Variants in TG observed in about 807,000 individuals in gnomAD.
TG encodes thyroglobulin, also known as thyroid hormones.
In TG, 270 loss-of-function variants were observed where a neutral mutation model predicts 324.7. The ratio of observed to expected loss-of-function variants is 0.83; its 90% CI spans 0.75 to 0.92. The LOEUF (loss-of-function observed/expected upper bound fraction) is 0.92. Ranked by LOEUF, TG falls within the 40% of genes least tolerant of loss-of-function variation. The probability of loss-of-function intolerance (pLI) is 0.00; values close to 1 mark genes in which losing one functional copy is unlikely to be tolerated. For missense variants in TG, 3,591 were observed against 3,456.4 expected, an observed-to-expected ratio of 1.04 and a Z score of -0.98; for synonymous variants, 1,401 against 1,327.0, an observed-to-expected ratio of 1.06 and a Z score of -1.21.
chr8:132,867,736 G>A (rs1015883020), intron 1 of TG, among the ~76,000 whole-genome samples: 2 of 150,296 alleles, frequency 1.3e-5, no homozygotes, highest in African/African-American at 4.9e-5. Flanking sequence ...ACTTCCTTAC[G>A]GTTCTCTAAC....
At chr8:132,994,833 C>T in intron 35 of TG, 1 of 1,278,462 alleles carries the variant, frequency 7.8e-7, no homozygotes, top group Non-Finnish European at 1.0e-6. Context: ...AGAGAAGGGG[C>T]TGGGTCAGAT....
chr8:133,121,110 C>T (rs1282788804), intron 45 of TG, among the ~76,000 whole-genome samples: 1 of 152,164 alleles, frequency 6.6e-6, no homozygotes, highest in African/African-American at 2.4e-5. Context: ...CTCTCTGCAC[C>T]TCAGAGCCCA....
intron 43 of TG, among the ~76,000 whole-genome samples, chr8:133,099,628 C>G (rs927624065): frequency 6.6e-6 from 1 of 152,204 alleles, no homozygotes; most frequent in Non-Finnish European, 1.5e-5. Flanking sequence ...CACCTCTGCT[C>G]CCATCCCCAA....
intron 41 of TG, among the ~76,000 whole-genome samples, chr8:133,090,827 T>C (rs1021566437): frequency 2.6e-5 from 4 of 152,172 alleles, no homozygotes; most frequent in African/African-American, 4.8e-5. Context: ...CCAGTCTATC[T>C]GGAACAAGAG....
At chr8:133,031,399 A>T (rs990661891) in intron 41 of TG, among the ~76,000 whole-genome samples, 1 of 152,144 alleles carries the variant, frequency 6.6e-6, no homozygotes, top group Non-Finnish European at 1.5e-5. Context: ...CCTTTTGCCT[A>T]TTGTGAACAG....
At chr8:132,923,314 G>A (rs1418271493) in intron 21 of TG, 24 bp from the exon 22 acceptor site, 1 of 1,613,496 alleles carries the variant, frequency 6.2e-7, no homozygotes, top group Middle Eastern at 1.7e-4. Context: ...ATTATTGACG[G>A]CTATGTCAAT....
intron 44 of TG, 87 bp from the exon 45 acceptor site, chr8:133,116,522 G>A (rs977302430): frequency 1.6e-6 from 2 of 1,276,008 alleles, no homozygotes; most frequent in Admixed American, 1.7e-5. Flanking sequence ...GGCCCAGGGG[G>A]CCCCTTGCTG....
At position 132,869,710 on chromosome 8, in the gene TG, G is replaced by T; in HGVS notation, c.177-19G>T. Reference sequence around the variant, plus strand: ...TGGGGGCCCATCCCAGGGTCACCTGGTCTGTGTCTCCTCCTCAGGACTGTC... The same window carrying T: ...TGGGGGCCCATCCCAGGGTCACCTGTTCTGTGTCTCCTCCTCAGGACTGTC... On this transcript the variant is annotated intron_variant, in intron 2 of 47. Transcript: ENST00000220616. 1 of 1,612,856 alleles carries T rather than the reference G, an allele frequency of 6.2e-7. No individual in the cohort carries two copies. Among genetic ancestry groups the T allele is most frequent in the East Asian group, 2.2e-5 (1 of 44,870 alleles).
chr8:132,878,341 G>C (rs1347524260), intron 5 of TG, among the ~76,000 whole-genome samples: 1 of 151,998 alleles, frequency 6.6e-6, no homozygotes, highest in African/African-American at 2.4e-5. Flanking sequence ...TTCAGGTCCA[G>C]CGCGCTGGCT....
At chr8:133,080,920 G>T (rs919102978) in intron 41 of TG, among the ~76,000 whole-genome samples, 1 of 152,234 alleles carries the variant, frequency 6.6e-6, no homozygotes, top group African/African-American at 2.4e-5. Context: ...AACAATGATT[G>T]CTCCCTCTCA....
intron 21 of TG, among the ~76,000 whole-genome samples, 199 bp from the exon 22 acceptor site, chr8:132,923,139 G>T (rs2132476413): frequency 6.6e-6 from 1 of 152,268 alleles, no homozygotes; most frequent in Non-Finnish European, 1.5e-5. Flanking sequence ...GGGTATGTGT[G>T]CAGAACTTAG....
At chr8:133,051,541 A>G (rs1224246943) in intron 41 of TG, among the ~76,000 whole-genome samples, 2 of 152,202 alleles carry the variant, frequency 1.3e-5, no homozygotes, top group African/African-American at 2.4e-5. Flanking sequence ...GCATCTATTT[A>G]ATAGGGACAT....
rs1433595611 is a variant in TG at position 133,060,174 on chromosome 8, C to T, written c.7239+30151C>T. On this transcript the variant is annotated intron_variant, in intron 41 of 47. Coordinates refer to ENST00000220616, the MANE Select transcript of TG (RefSeq NM_003235.5). ...GCTGTTTCCCATTTCTTTCTTTTTC[C>T]CTGGGGCCGCTGGTGATGCCCAGAG... 3 of 1,612,056 alleles carry T rather than the reference C, an allele frequency of 1.9e-6. No individual in the cohort carries two copies. In the African/African-American group the frequency reaches 4.0e-5, roughly 22 times the overall value.
chr8:133,095,134 A>G lies in TG; in HGVS notation c.7330A>G (p.Met2444Val). ...IALAKEVSCP[M>V]SSSQEVVSCL... is the part of the protein sequence containing the mutation. ...TTTGGCAAAGGAGGTCAGTTGCCCC[A>G]TGTCATCCAGCCAAGAAGTGGTGTC... The change falls in exon 42 of 48, where the codon ATG becomes GTG. Residue 2444 changes from methionine to valine, a missense_variant. By Grantham distance (21) the Met-to-Val change is conservative. Transcript: ENST00000220616. The G allele has an allele frequency of 6.2e-6, 10 of 1,614,236 alleles. No homozygotes were observed. The highest frequency in any genetic ancestry group is 2.2e-5 in the South Asian group (2 of 91,090).
intron 41 of TG, among the ~76,000 whole-genome samples, chr8:133,073,657 G>A (rs141097442): frequency 6.6e-6 from 1 of 152,298 alleles, no homozygotes; most frequent in Non-Finnish European, 1.5e-5. Context: ...TTGCAGCTCA[G>A]CATCTCATAG....
At chr8:133,079,712 A>C (rs1202221981) in intron 41 of TG, among the ~76,000 whole-genome samples, 2 of 152,176 alleles carry the variant, frequency 1.3e-5, no homozygotes, top group Non-Finnish European at 2.9e-5. Context: ...AAATATTCAA[A>C]AGTTTGGAAG....
At chr8:132,960,881 T>G (rs1287010837) in intron 27 of TG, 127 bp from the exon 28 acceptor site, 2 of 951,036 alleles carry the variant, frequency 2.1e-6, no homozygotes, top group Non-Finnish European at 3.4e-6. Flanking sequence ...GGTTACATCT[T>G]ACGTGGGAAA....
At position 132,906,832 on chromosome 8, in the gene TG, G is replaced by T. The variant is rs771031102; in HGVS notation, c.3779G>T (p.Gly1260Val). 6.2e-7 allele frequency: 1 copy of T among 1,614,040 alleles called. No homozygotes were observed. The highest frequency in any genetic ancestry group is 1.3e-5 in the African/African-American group (1 of 74,930). ...RQGSWSVFPP[G>V]PLICSLESGR... Reference sequence around the variant, plus strand: ...GGCTCCTGGAGCGTGTTTCCACCAGGGCCATTGATATGTAGCCTGGAGAGC... The same window carrying T: ...GGCTCCTGGAGCGTGTTTCCACCAGTGCCATTGATATGTAGCCTGGAGAGC... The change falls in exon 17 of 48, where the codon GGG becomes GTG. Residue 1260 changes from glycine (G) to valine (V), a missense_variant. By Grantham distance (109) the Gly-to-Val change is moderately radical. Transcript: ENST00000220616.
At chr8:132,997,228 C>T (rs1290208346) in intron 35 of TG, among the ~76,000 whole-genome samples, 1 of 152,096 alleles carries the variant, frequency 6.6e-6, no homozygotes, top group Non-Finnish European at 1.5e-5. Flanking sequence ...GGTGCCAATT[C>T]CAAGATAAAG....
Sources: allele counts gnomAD v4.1 joint callset (sites outside exome capture counted in the v4.1 genomes callset), GRCh38; gene constraint gnomAD v4.1.1; transcripts MANE v1.5; gene names NCBI Gene and HGNC (gene_info 2026-07-23, HGNC 2026-07-21).